CNTNAP2: variants seen among roughly 807,000 people sequenced by gnomAD.
The protein encoded by CNTNAP2 is contactin associated protein 2, also known as contactin-associated protein-like 2.
In CNTNAP2, 98 loss-of-function variants were observed where a neutral mutation model predicts 155.2. The ratio of observed to expected loss-of-function variants is 0.63; its 90% CI spans 0.54 to 0.75. The LOEUF (loss-of-function observed/expected upper bound fraction) is 0.75, where lower values mean the gene tolerates loss of function less well. Among genes scored for constraint, CNTNAP2 ranks in the 30% least tolerant of loss-of-function variants. The pLI is 0.00. For missense variants in CNTNAP2, 1,727 were observed against 1,688.1 expected, an observed-to-expected ratio of 1.02 and a Z score of -0.40; for synonymous variants, 651 against 631.2, an observed-to-expected ratio of 1.03 and a Z score of -0.47.
intron 9 of CNTNAP2, among the ~76,000 whole-genome samples, chr7:147,379,549 G>T (rs1368789465): frequency 6.6e-6 from 1 of 151,888 alleles, no homozygotes; most frequent in Non-Finnish European, 1.5e-5. Context: ...CTTGATTTGG[G>T]GGTTATATCC....
intron 15 of CNTNAP2, among the ~76,000 whole-genome samples, chr7:148,025,991 A>G (rs928701975): frequency 5.3e-5 from 8 of 152,148 alleles, no homozygotes; most frequent in African/African-American, 1.9e-4. Flanking sequence ...GTCACACTGT[A>G]TTGTTTGCTT....
intron 15 of CNTNAP2, among the ~76,000 whole-genome samples, chr7:148,095,375 C>A (rs539812380): frequency 1.3e-4 from 20 of 152,284 alleles, no homozygotes; most frequent in African/African-American, 4.3e-4. Flanking sequence ...TCTGGCTGCA[C>A]CAATAACAAG....
intron 18 of CNTNAP2, among the ~76,000 whole-genome samples, chr7:148,213,655 C>A (rs971458962): frequency 3.3e-5 from 5 of 152,138 alleles, no homozygotes; most frequent in African/African-American, 9.7e-5. Context: ...AATGACCCCC[C>A]ACATTCTCTA....
chr7:146,192,989 A>G (rs1798727686), intron 1 of CNTNAP2, among the ~76,000 whole-genome samples: 1 of 152,212 alleles, frequency 6.6e-6, no homozygotes, highest in Admixed American at 6.5e-5. Context: ...AGCAAATCCA[A>G]AATCCAGAGA....
At chr7:148,000,068 C>CT (rs1801870924) in intron 15 of CNTNAP2, among the ~76,000 whole-genome samples, 1 of 152,136 alleles carries the variant, frequency 6.6e-6, no homozygotes, top group Non-Finnish European at 1.5e-5. Context: ...TTCAAGTGGT[C>CT]TTTTCAACTC....
chr7:147,098,437 G>A (rs569738889), intron 4 of CNTNAP2, among the ~76,000 whole-genome samples: 13 of 152,194 alleles, frequency 8.5e-5, no homozygotes, highest in Non-Finnish European at 1.5e-4. Flanking sequence ...GAAAGTTCCT[G>A]TATTGTTTTT....
At chr7:146,430,298 A>G (rs1460370062) in intron 1 of CNTNAP2, among the ~76,000 whole-genome samples, 1 of 152,050 alleles carries the variant, frequency 6.6e-6, no homozygotes, top group African/African-American at 2.4e-5. Flanking sequence ...ATAATCACAG[A>G]AAGTATATCT....
chr7:147,912,853 G>T (rs1208517677), intron 14 of CNTNAP2, among the ~76,000 whole-genome samples: 1 of 152,166 alleles, frequency 6.6e-6, no homozygotes, highest in Non-Finnish European at 1.5e-5. Flanking sequence ...AATCCCTTAA[G>T]GAGGAAATTC....
chr7:146,231,634 C>A (rs2116914164), intron 1 of CNTNAP2, among the ~76,000 whole-genome samples: 1 of 152,286 alleles, frequency 6.6e-6, no homozygotes, highest in Middle Eastern at 3.4e-3. Flanking sequence ...TATTTTGACC[C>A]ATCAAGACAA....
At chr7:147,394,419 G>A (rs370804638) in intron 9 of CNTNAP2, among the ~76,000 whole-genome samples, 1 of 151,608 alleles carries the variant, frequency 6.6e-6, no homozygotes, top group Non-Finnish European at 1.5e-5. Flanking sequence ...TGGAACTTTG[G>A]TTCCATCCCA....
rs538208793 is a variant in CNTNAP2 at position 146,802,997 on chromosome 7, A to G, written c.208+28616A>G. On this transcript the variant is annotated intron_variant, in intron 2 of 23. Coordinates refer to ENST00000361727, the MANE Select transcript of CNTNAP2 (RefSeq NM_014141.6). ...CAATGAAGATTATATTGAGAAGCAA[A>G]AGTGAAAAATCTGAGATCTTGCAGG... Among the ~76,000 whole-genome samples the G allele has an allele frequency of 6.4e-4, 98 of 152,294 alleles. 1 individual carries two copies. The highest frequency in any genetic ancestry group is 1.2e-3 in the Non-Finnish European group (83 of 68,012).
chr7:147,250,813 G>A (rs1034653776), intron 8 of CNTNAP2, among the ~76,000 whole-genome samples: 1 of 152,150 alleles, frequency 6.6e-6, no homozygotes, highest in Non-Finnish European at 1.5e-5. Context: ...AATCAGCAAT[G>A]AGGGGCTCCG....
chr7:147,781,417 C>T (rs1201964965), intron 13 of CNTNAP2, among the ~76,000 whole-genome samples: 1 of 152,132 alleles, frequency 6.6e-6, no homozygotes, highest in Non-Finnish European at 1.5e-5. Flanking sequence ...ATTGGACTTG[C>T]AGCTTTTACA....
chr7:148,278,527 G>A (rs183340160), intron 21 of CNTNAP2, among the ~76,000 whole-genome samples: 135 of 136,480 alleles, frequency 9.9e-4, no homozygotes, highest in Middle Eastern at 9.7e-3. Context: ...CCGAGATCGC[G>A]CCACTGCACT....
At chr7:147,125,308 C>T (rs1801210538) in intron 6 of CNTNAP2, among the ~76,000 whole-genome samples, 1 of 152,134 alleles carries the variant, frequency 6.6e-6, no homozygotes, top group Admixed American at 6.5e-5. Flanking sequence ...AGTCACCGCT[C>T]CCGGCATATA....
At chr7:146,212,842 G>A (rs1377770617) in intron 1 of CNTNAP2, among the ~76,000 whole-genome samples, 3 of 152,182 alleles carry the variant, frequency 2.0e-5, no homozygotes, top group African/African-American at 7.2e-5. Context: ...TCAGTACATT[G>A]TGTTCTTCCA....
intron 13 of CNTNAP2, among the ~76,000 whole-genome samples, chr7:147,838,689 G>T (rs553621384): frequency 6.6e-6 from 1 of 152,242 alleles, no homozygotes; most frequent in East Asian, 1.9e-4. Context: ...CCTCTGCCTG[G>T]ATTTTACTGT....
At chr7:146,736,829 A>T (rs1801628430) in intron 1 of CNTNAP2, among the ~76,000 whole-genome samples, 1 of 152,200 alleles carries the variant, frequency 6.6e-6, no homozygotes, top group Non-Finnish European at 1.5e-5. Context: ...GGTCACAGAA[A>T]AGTAAAAAAG....
intron 10 of CNTNAP2, among the ~76,000 whole-genome samples, chr7:147,431,870 GCA>G (rs1310240893): frequency 6.6e-6 from 1 of 152,114 alleles, no homozygotes; most frequent in East Asian, 1.9e-4. Context: ...TGAAGGCTCT[GCA>G]CTAAGCACTT....
Sources: gnomAD v4.1 joint callset for allele counts (sites outside exome capture counted in the v4.1 genomes callset) on GRCh38, gnomAD v4.1.1 for gene constraint, MANE v1.5 for transcripts, NCBI Gene and HGNC (gene_info 2026-07-23, HGNC 2026-07-21) for gene names.